GSE1: variants seen among roughly 807,000 people sequenced by gnomAD.
The protein encoded by GSE1 is genetic suppressor element 1.
In GSE1, 32 loss-of-function variants were observed where a neutral mutation model predicts 112.6. The ratio of observed to expected loss-of-function variants is 0.28; its 90% CI spans 0.21 to 0.38. The LOEUF is 0.38. Ranked by LOEUF, GSE1 falls within the 10% of genes least tolerant of loss-of-function variation. The pLI is 1.00. For missense variants in GSE1, 2,348 were observed against 1,699.2 expected, an observed-to-expected ratio of 1.38 and a Z score of -6.71; for synonymous variants, 1,115 against 735.6, an observed-to-expected ratio of 1.52 and a Z score of -8.35.
intron 1 of GSE1, among the ~76,000 whole-genome samples, chr16:85,244,726 C>G (rs762771578): frequency 1.3e-5 from 2 of 151,950 alleles, no homozygotes; most frequent in Admixed American, 6.6e-5. Context: ...TGCAATTGCT[C>G]ACACCTATAA....
chr16:85,400,261 G>C (rs886394307), intron 2 of GSE1, among the ~76,000 whole-genome samples: 7 of 151,252 alleles, frequency 4.6e-5, no homozygotes, highest in African/African-American at 1.5e-4. Flanking sequence ...GTGTGTGTGT[G>C]TGTGTGTGTG....
intron 1 of GSE1, among the ~76,000 whole-genome samples, chr16:85,251,522 G>A (rs778541110): frequency 3.3e-5 from 5 of 152,288 alleles, no homozygotes; most frequent in South Asian, 2.1e-4. Flanking sequence ...GCCGGGGCTC[G>A]AACCCTGCTC....
At chr16:85,215,362 C>G (rs906576279) in intron 1 of GSE1, among the ~76,000 whole-genome samples, 4 of 152,076 alleles carry the variant, frequency 2.6e-5, no homozygotes, top group African/African-American at 7.3e-5. Flanking sequence ...TGAGTCCACA[C>G]GGGCAGGCGG....
chr16:85,436,756 C>T (rs911360829), intron 2 of GSE1, among the ~76,000 whole-genome samples: 1 of 152,210 alleles, frequency 6.6e-6, no homozygotes, highest in East Asian at 1.9e-4. Flanking sequence ...GCAGAGTCCC[C>T]GCTGGCCAGG....
intron 1 of GSE1, among the ~76,000 whole-genome samples, chr16:85,258,123 G>A (rs552142368): frequency 6.6e-6 from 1 of 152,314 alleles, no homozygotes; most frequent in East Asian, 1.9e-4. Context: ...TGAGGGGCAG[G>A]GTAGAGTGTG....
chr16:85,567,562 C>T (rs932703907), intron 1 of GSE1, among the ~76,000 whole-genome samples: 5 of 152,166 alleles, frequency 3.3e-5, no homozygotes, highest in African/African-American at 1.2e-4. Flanking sequence ...CAAAACATGG[C>T]GGCCCCAGAG....
chr16:85,650,695 C>T (rs141822655), intron 3 of GSE1, among the ~76,000 whole-genome samples: 2,227 of 152,296 alleles, frequency 0.015, 144 homozygotes, highest in Admixed American at 0.12. Context: ...GCGGGGCCGG[C>T]AGCTGGATTA....
intron 1 of GSE1, among the ~76,000 whole-genome samples, chr16:85,629,107 G>A (rs1002959950): frequency 3.9e-5 from 6 of 152,178 alleles, no homozygotes; most frequent in African/African-American, 7.2e-5. Flanking sequence ...GGCTTCCCTC[G>A]CCTTCCGCCA....
intron 1 of GSE1, among the ~76,000 whole-genome samples, chr16:85,278,611 C>A (rs1567658186): frequency 6.6e-6 from 1 of 152,054 alleles, no homozygotes; most frequent in African/African-American, 2.4e-5. Flanking sequence ...GTTAAAAATC[C>A]CAAACCAATT....
chr16:85,203,081 G>T (rs1184360038), intron 1 of GSE1, among the ~76,000 whole-genome samples: 1 of 151,958 alleles, frequency 6.6e-6, no homozygotes, highest in African/African-American at 2.4e-5. Flanking sequence ...CAGGGGCCTG[G>T]ATTTCTCCTG....
intron 1 of GSE1, among the ~76,000 whole-genome samples, chr16:85,320,363 G>A (rs2046077413): frequency 6.6e-6 from 1 of 152,370 alleles, no homozygotes; most frequent in South Asian, 2.1e-4. Flanking sequence ...GGTGTGTGGA[G>A]CAGACGCCCA....
In GSE1 at chr16:85,400,925, TC is replaced by T. The variant is rs1244918308; in HGVS notation, c.2464+43283del. 3.3e-5 allele frequency among the ~76,000 whole-genome samples: 5 copies of T among 151,978 alleles called. No homozygotes were observed. In the East Asian group the frequency reaches 9.6e-4, roughly 29 times the overall value. ...TGTGTCTGTGTGTGTGCGGAAGGGG[TC>T]ATAATGGAGACCTAGCTTTGACCTT... On this transcript the variant is annotated intron_variant, in intron 2 of 2. Transcript: ENST00000637419.
chr16:85,318,180 T>C (rs1421219708), intron 1 of GSE1, among the ~76,000 whole-genome samples: 3 of 152,188 alleles, frequency 2.0e-5, no homozygotes, highest in Admixed American at 2.0e-4. Context: ...TTCAGTCCTT[T>C]CTAAACTTCA....
chr16:85,569,013 G>T (rs1295424048), intron 1 of GSE1, among the ~76,000 whole-genome samples: 1 of 152,212 alleles, frequency 6.6e-6, no homozygotes, highest in South Asian at 2.1e-4. Flanking sequence ...TATGATCATG[G>T]TTAGTGTCAT....
chr16:85,404,301 C>A lies in GSE1; in HGVS notation c.2464+46658C>A, dbSNP rs1193315104. Among the ~76,000 whole-genome samples the A allele has an allele frequency of 2.1e-5, 2 of 96,604 alleles. 1 individual carries two copies. The highest frequency in any genetic ancestry group is 4.4e-5 in the Non-Finnish European group (2 of 45,718). 63.4% of individuals were successfully genotyped at this position (96,604 alleles called of 152,430 possible). The stretch of plus-strand genomic sequence containing the variant: ...AATTCTCACTGTTACACTCAGGCCC[C>A]CCGGATAATCCTCACTCTTACACTC... On this transcript the variant is annotated intron_variant, in intron 2 of 2. Transcript: ENST00000637419.
intron 2 of GSE1, among the ~76,000 whole-genome samples, chr16:85,377,591 C>G (rs1382810162): frequency 2.0e-5 from 3 of 152,322 alleles, no homozygotes; most frequent in South Asian, 2.1e-4. Flanking sequence ...TGAGAAGGAA[C>G]AGTAAGCAAG....
intron 1 of GSE1, among the ~76,000 whole-genome samples, chr16:85,615,607 AG>A (rs1319249826): frequency 6.6e-6 from 1 of 152,150 alleles, no homozygotes; most frequent in African/African-American, 2.4e-5. Flanking sequence ...TGCCTTGGGA[AG>A]GGAGGTCGGG....
At chr16:85,198,191 A>G (rs150584449) in intron 1 of GSE1, among the ~76,000 whole-genome samples, 3 of 152,270 alleles carry the variant, frequency 2.0e-5, no homozygotes, top group Admixed American at 6.5e-5. Flanking sequence ...AGCTGCAGTG[A>G]ACCTGAGGAC....
intron 3 of GSE1, 24 bp downstream of exon 3, chr16:85,648,775 C>A: frequency 1.4e-6 from 2 of 1,405,778 alleles, no homozygotes; most frequent in Non-Finnish European, 1.9e-6. Flanking sequence ...GGCAGGGAGC[C>A]TAGCGTCCTC....
Sources: gnomAD v4.1 joint callset for allele counts (sites outside exome capture counted in the v4.1 genomes callset) on GRCh38, gnomAD v4.1.1 for gene constraint, MANE v1.5 for transcripts, NCBI Gene and HGNC (gene_info 2026-07-23, HGNC 2026-07-21) for gene names.